OSBPL10: variants seen among roughly 807,000 people sequenced by gnomAD.
OSBPL10 encodes oxysterol-binding protein-related protein 10.
A neutral mutation model predicts 81.7 loss-of-function variants in OSBPL10; 49 were observed. The ratio of observed to expected loss-of-function variants is 0.60; its 90% CI spans 0.48 to 0.76. OSBPL10 has a LOEUF of 0.76. Among genes scored for constraint, OSBPL10 ranks in the 30% least tolerant of loss-of-function variants. OSBPL10 has a pLI of 0.00. For missense variants in OSBPL10, 923 were observed against 987.8 expected, an observed-to-expected ratio of 0.93 and a Z score of 0.88; for synonymous variants, 419 against 383.6, an observed-to-expected ratio of 1.09 and a Z score of -1.08.
intron 2 of OSBPL10, among the ~76,000 whole-genome samples, chr3:32,000,783 C>A (rs762381434): frequency 6.6e-6 from 1 of 152,160 alleles, no homozygotes; most frequent in Non-Finnish European, 1.5e-5. Context: ...GCACTCTCCC[C>A]CTTCTTCCTG....
intron 4 of OSBPL10, among the ~76,000 whole-genome samples, chr3:31,752,670 T>C (rs1697756025): frequency 6.6e-6 from 1 of 152,174 alleles, no homozygotes; most frequent in African/African-American, 2.4e-5. Flanking sequence ...AAACCAATGA[T>C]ATCTAGCTCA....
At position 31,898,006 on chromosome 3, in the gene OSBPL10, C is replaced by CAAAAAAAAAAAAAAAA. The variant is rs58479197; in HGVS notation, c.282-18192_282-18177dup. On this transcript the variant is annotated intron_variant, in intron 1 of 11. Coordinates refer to ENST00000396556, the MANE Select transcript of OSBPL10 (RefSeq NM_017784.5). Reference sequence around the variant, plus strand: ...TTGGGTGACACAGCGAGAACTCTGTCAAAAAAAAAAAAAAAAAAAAAAAAA... The same window carrying CAAAAAAAAAAAAAAAA: ...TTGGGTGACACAGCGAGAACTCTGTCAAAAAAAAAAAAAAAAAAAAAAAAAAAAAAAAAAAAAAAAA... 1.4e-4 allele frequency among the ~76,000 whole-genome samples: 9 copies of CAAAAAAAAAAAAAAAA among 62,480 alleles called. No individual in the cohort carries two copies. The East Asian group carries it at 2.8e-3, about 19-fold the overall frequency. The allele number at this position is 62,480 out of a possible 152,430, so 41.0% of individuals were successfully genotyped here.
chr3:31,883,381 C>T (rs1459085310), intron 1 of OSBPL10, among the ~76,000 whole-genome samples: 1 of 151,854 alleles, frequency 6.6e-6, no homozygotes, highest in Non-Finnish European at 1.5e-5. Context: ...GCTGGGATTA[C>T]AGACACCACC....
At chr3:31,913,394 G>A (rs919864553) in intron 1 of OSBPL10, among the ~76,000 whole-genome samples, 44 of 152,032 alleles carry the variant, frequency 2.9e-4, no homozygotes, top group African/African-American at 8.7e-4. Flanking sequence ...GACTACAGGC[G>A]CACAACACCA....
chr3:31,952,562 G>C (rs1319076785), intron 1 of OSBPL10, among the ~76,000 whole-genome samples: 1 of 152,134 alleles, frequency 6.6e-6, no homozygotes, highest in East Asian at 1.9e-4. Flanking sequence ...GCACAGCATG[G>C]GGAGCAATGA....
rs751362073 is a variant in OSBPL10 at position 31,684,138 on chromosome 3, C to A, written c.1246-24G>T. The A allele has an allele frequency of 2.7e-5, 44 of 1,607,270 alleles. 3 individuals carry two copies. In the South Asian group the frequency reaches 4.6e-4, roughly 17 times the overall value. ...ACCTGCATTTGGAAGGACACAAAGT[C>A]AGACAATCCCTGGGATTACACGGAA... On this transcript the variant is annotated intron_variant, in intron 7 of 11. Transcript: ENST00000396556.
At chr3:31,881,955 C>T (rs1377034857) in intron 1 of OSBPL10, among the ~76,000 whole-genome samples, 1 of 152,224 alleles carries the variant, frequency 6.6e-6, no homozygotes, top group Non-Finnish European at 1.5e-5. Flanking sequence ...CGGGTCCACT[C>T]CAGCAAACTG....
chr3:31,992,193 T>C (rs1184955359), intron 2 of OSBPL10, among the ~76,000 whole-genome samples: 2 of 151,244 alleles, frequency 1.3e-5, no homozygotes, highest in East Asian at 3.9e-4. Context: ...GCAAAAAGTA[T>C]GGACACATAG....
At chr3:31,830,286 A>T in intron 3 of OSBPL10, 55 bp from the exon 4 acceptor site, 1 of 1,507,144 alleles carries the variant, frequency 6.6e-7, no homozygotes, top group Non-Finnish European at 9.0e-7. Context: ...AACACAACTA[A>T]GTGTTGGCTT....
At chr3:31,885,192 C>T (rs866090126) in intron 1 of OSBPL10, among the ~76,000 whole-genome samples, 6 of 152,304 alleles carry the variant, frequency 3.9e-5, no homozygotes, top group South Asian at 4.1e-4. Context: ...ATATGTGACA[C>T]ACTCACACTG....
At chr3:31,934,951 G>A (rs937021817) in intron 1 of OSBPL10, among the ~76,000 whole-genome samples, 2 of 152,142 alleles carry the variant, frequency 1.3e-5, no homozygotes, top group Admixed American at 1.3e-4. Context: ...TCCAAGGCTG[G>A]TAGAGTAGTT....
chr3:32,076,233 T>G (rs761972502), intron 1 of OSBPL10, among the ~76,000 whole-genome samples: 3 of 152,034 alleles, frequency 2.0e-5, no homozygotes, highest in Non-Finnish European at 4.4e-5. Flanking sequence ...CCAGGCAAGG[T>G]GGCGAGCACC....
chr3:31,726,736 G>A (rs75240910), intron 6 of OSBPL10, among the ~76,000 whole-genome samples: 3,297 of 138,610 alleles, frequency 0.024, 109 homozygotes, highest in African/African-American at 0.11. Context: ...GGATAAACAG[G>A]AGGAGGAATG....
chr3:32,075,618 T>C lies in OSBPL10; in HGVS notation n.185+1778A>G, dbSNP rs146944622. ...CCAAAATCTTTCTTCAGTTGAATCT[T>C]TCCCACTGTAGGTTTCCACACAGCC... On this transcript the variant is annotated intron_variant and non_coding_transcript_variant, in intron 1 of 3. Coordinates refer to the OSBPL10 transcript ENST00000479173. Among the ~76,000 whole-genome samples the C allele has an allele frequency of 6.5e-3, 992 of 152,278 alleles. 13 individuals carry two copies. Among genetic ancestry groups the C allele is most frequent in the African/African-American group, 0.022 (932 of 41,548 alleles).
At chr3:31,963,562 C>G (rs949821128) in intron 1 of OSBPL10, among the ~76,000 whole-genome samples, 1 of 152,090 alleles carries the variant, frequency 6.6e-6, no homozygotes, top group Non-Finnish European at 1.5e-5. Context: ...AAGAGACAAC[C>G]TGTAGAGACA....
intron 1 of OSBPL10, among the ~76,000 whole-genome samples, chr3:32,066,988 C>T (rs958652500): frequency 2.0e-5 from 3 of 152,148 alleles, no homozygotes; most frequent in Non-Finnish European, 2.9e-5. Flanking sequence ...AGCATGATAA[C>T]GAGGCTCCTT....
At chr3:31,884,633 C>T (rs1390618340) in intron 1 of OSBPL10, among the ~76,000 whole-genome samples, 1 of 152,188 alleles carries the variant, frequency 6.6e-6, no homozygotes, top group Non-Finnish European at 1.5e-5. Flanking sequence ...GCAGCTATAT[C>T]TCAAAGTCAC....
chr3:31,938,681 A>G (rs11710110), intron 1 of OSBPL10, among the ~76,000 whole-genome samples: 100,165 of 151,880 alleles, frequency 0.66, 34,924 homozygotes, highest in African/African-American at 0.9. Context: ...GGTAAGTAGA[A>G]ATGGGGTTTC....
intron 8 of OSBPL10, among the ~76,000 whole-genome samples, chr3:31,675,899 T>C (rs1700458327): frequency 6.8e-6 from 1 of 147,562 alleles, no homozygotes; most frequent in African/African-American, 2.6e-5. Flanking sequence ...TGAGCCGAGA[T>C]TGCGCCACTG....
Sources: allele counts gnomAD v4.1 joint callset (sites outside exome capture counted in the v4.1 genomes callset), GRCh38; gene constraint gnomAD v4.1.1; transcripts MANE v1.5; gene names NCBI Gene and HGNC (gene_info 2026-07-23, HGNC 2026-07-21).